DPYD: variants seen among roughly 807,000 people sequenced by gnomAD.
The protein encoded by DPYD is dihydropyrimidine dehydrogenase, also known as dihydropyrimidine dehydrogenase [NADP(+)].
A neutral mutation model predicts 116.2 loss-of-function variants in DPYD; 109 were observed. The observed-to-expected ratio is 0.94, with a 90% CI of 0.80 to 1.10. The LOEUF is 1.10. DPYD is among the 50% of genes least tolerant of loss of function. The pLI, the probability that DPYD is intolerant of heterozygous loss-of-function variation, is 0.00. For missense variants in DPYD, 1,302 were observed against 1,254.5 expected (o/e 1.04, Z -0.57); for synonymous variants, 440 against 432.0 (o/e 1.02, Z -0.23).
intron 14 of DPYD, 91 bp from the exon 15 acceptor site, chr1:97,382,552 A>C (rs970898363): frequency 1.4e-5 from 10 of 691,820 alleles, no homozygotes; most frequent in Non-Finnish European, 2.0e-5. Context: ...TTATAATGGT[A>C]AACTATATTA....
At chr1:97,420,956 T>G (rs1451376120) in intron 14 of DPYD, among the ~76,000 whole-genome samples, 1 of 151,894 alleles carries the variant, frequency 6.6e-6, no homozygotes, top group East Asian at 1.9e-4. Context: ...TCTGAAACTA[T>G]TTAGTTGCTG....
chr1:97,699,597 C>A (rs1281826852), intron 5 of DPYD, 50 bp from the exon 6 acceptor site: 1 of 1,539,930 alleles, frequency 6.5e-7, no homozygotes, highest in South Asian at 1.1e-5. Context: ...TAGCTTACAT[C>A]CTCAAACATA....
Position 97,515,864 on chromosome 1 carries a change from A to G in DPYD, c.1602T>C (p.Ser534=), listed in dbSNP as rs1257539978. 6 of 1,612,924 alleles carry G rather than the reference A, an allele frequency of 3.7e-6. No homozygotes were observed. The highest frequency in any genetic ancestry group is 5.1e-6 in the Non-Finnish European group (6 of 1,179,244). ...TAAACTTCAATCCGGCCATTTCTACACTAATGTCCACCAGATCAATAGGAG... is the reference window on the plus strand; with the variant it reads ...TAAACTTCAATCCGGCCATTTCTACGCTAATGTCCACCAGATCAATAGGAG... ...FYTPIDLVDI[S]VEMAGLKFIN... is the part of the protein sequence containing the mutation. Residue 534 remains serine, a synonymous_variant, in exon 13 of 23, where the codon AGT becomes AGC. Coordinates refer to ENST00000370192, the MANE Select transcript of DPYD (RefSeq NM_000110.4).
At chr1:97,687,489 C>A (rs902797278) in intron 7 of DPYD, among the ~76,000 whole-genome samples, 2 of 152,084 alleles carry the variant, frequency 1.3e-5, no homozygotes, top group South Asian at 2.1e-4. Flanking sequence ...CAGATGCTGG[C>A]GAGGCTGTGG....
intron 8 of DPYD, among the ~76,000 whole-genome samples, chr1:97,646,919 G>A (rs1289571591): frequency 2.0e-5 from 3 of 151,968 alleles, no homozygotes; most frequent in African/African-American, 7.2e-5. Flanking sequence ...AAAGCTCTTG[G>A]TTGCTGTTGT....
intron 19 of DPYD, among the ~76,000 whole-genome samples, chr1:97,208,088 G>A (rs370205575): frequency 9.7e-4 from 148 of 152,182 alleles, no homozygotes; most frequent in African/African-American, 3.3e-3. Context: ...ATGTAGCCAG[G>A]AGTGTTTAAT....
intron 3 of DPYD, among the ~76,000 whole-genome samples, chr1:97,794,020 C>G (rs988567373): frequency 6.6e-6 from 1 of 152,148 alleles, no homozygotes; most frequent in African/African-American, 2.4e-5. Context: ...TCACTGCAGC[C>G]TCAACTTCCT....
intron 19 of DPYD, among the ~76,000 whole-genome samples, chr1:97,216,760 A>C (rs1218100323): frequency 1.3e-5 from 2 of 152,150 alleles, no homozygotes; most frequent in African/African-American, 4.8e-5. Flanking sequence ...ACGCCACTGC[A>C]CCCCAGCCTG....
At chr1:97,505,183 A>C (rs1647226058) in intron 13 of DPYD, among the ~76,000 whole-genome samples, 1 of 152,058 alleles carries the variant, frequency 6.6e-6, no homozygotes, top group South Asian at 2.1e-4. Flanking sequence ...GAAATGATAA[A>C]CAGTAGTTGT....
intron 12 of DPYD, 53 bp from the exon 13 acceptor site, chr1:97,515,994 T>C (rs1648203566): frequency 2.0e-6 from 3 of 1,528,342 alleles, no homozygotes; most frequent in Non-Finnish European, 2.7e-6. Flanking sequence ...ATTGTCCATA[T>C]AATATTTTAC....
chr1:97,537,412 C>T (rs1347771797), intron 12 of DPYD, among the ~76,000 whole-genome samples: 1 of 152,144 alleles, frequency 6.6e-6, no homozygotes, highest in Non-Finnish European at 1.5e-5. Flanking sequence ...TATAAACAAG[C>T]CTTTTTTCCT....
chr1:97,284,151 C>A (rs536698140), intron 18 of DPYD, among the ~76,000 whole-genome samples: 15 of 152,084 alleles, frequency 9.9e-5, no homozygotes, highest in Non-Finnish European at 1.6e-4. Flanking sequence ...AATGATACGT[C>A]ACTTCTTTCA....
chr1:97,285,494 T>C (rs1211187586), intron 18 of DPYD, among the ~76,000 whole-genome samples: 1 of 152,172 alleles, frequency 6.6e-6, no homozygotes, highest in Non-Finnish European at 1.5e-5. Context: ...CTTTGATGTA[T>C]ACAATCATAT....
intron 2 of DPYD, among the ~76,000 whole-genome samples, chr1:97,867,259 CT>C (rs1467915004): frequency 1.3e-5 from 2 of 151,744 alleles, no homozygotes; most frequent in Non-Finnish European, 2.9e-5. Flanking sequence ...AAACTCTGTC[CT>C]AACTCTGGAC....
At chr1:97,594,747 C>T (rs1654759444) in intron 9 of DPYD, among the ~76,000 whole-genome samples, 1 of 151,848 alleles carries the variant, frequency 6.6e-6, no homozygotes, top group Admixed American at 6.5e-5. Flanking sequence ...CGATTCATGC[C>T]ATTTCTTTGA....
At chr1:97,264,752 C>A (rs1028505828) in intron 18 of DPYD, among the ~76,000 whole-genome samples, 3 of 151,956 alleles carry the variant, frequency 2.0e-5, no homozygotes, top group Admixed American at 6.6e-5. Flanking sequence ...CACCACAAGG[C>A]AAAGCTAATT....
intron 16 of DPYD, among the ~76,000 whole-genome samples, chr1:97,312,184 G>A (rs374508353): frequency 2.0e-5 from 3 of 151,722 alleles, no homozygotes; most frequent in South Asian, 2.1e-4. Context: ...AAAAGACATC[G>A]AATCTCGCTA....
intron 11 of DPYD, among the ~76,000 whole-genome samples, chr1:97,552,201 A>C (rs1651373433): frequency 6.6e-6 from 1 of 152,216 alleles, no homozygotes; most frequent in East Asian, 1.9e-4. Flanking sequence ...CTTAAAGAAG[A>C]GCTCTCAAAT....
chr1:97,512,391 C>A (rs1647864658), intron 13 of DPYD, among the ~76,000 whole-genome samples: 1 of 151,768 alleles, frequency 6.6e-6, no homozygotes, highest in Non-Finnish European at 1.5e-5. Context: ...ACAAGTTAAT[C>A]TATGTATAGA....
Sources: gnomAD v4.1 joint callset for allele counts (sites outside exome capture counted in the v4.1 genomes callset) on GRCh38, gnomAD v4.1.1 for gene constraint, MANE v1.5 for transcripts, NCBI Gene and HGNC (gene_info 2026-07-23, HGNC 2026-07-21) for gene names.